Variants in DCK observed in about 807,000 individuals in gnomAD.
DCK encodes deoxyadenosine kinase.
DCK carries 23 observed loss-of-function variants against 38.3 expected under a neutral mutation model. The observed-to-expected ratio is 0.60, with a 90% CI of 0.43 to 0.85. The LOEUF (loss-of-function observed/expected upper bound fraction) is 0.85, where lower values mean the gene tolerates loss of function less well. DCK is among the 40% of genes least tolerant of loss of function. DCK has a pLI of 0.00. For synonymous variants in DCK, 108 were observed against 100.6 expected, an observed-to-expected ratio of 1.07 and a Z score of -0.44; for missense variants, 259 against 304.4, an observed-to-expected ratio of 0.85 and a Z score of 1.11.
intron 2 of DCK, among the ~76,000 whole-genome samples, chr4:71,021,178 C>T (rs1480826940): frequency 2.0e-5 from 3 of 151,164 alleles, no homozygotes; most frequent in Non-Finnish European, 4.4e-5. Context: ...CGGGTTCACG[C>T]CATTCTCCTG....
intron 6 of DCK, among the ~76,000 whole-genome samples, chr4:71,028,988 C>T (rs971269070): frequency 1.1e-4 from 17 of 152,064 alleles, no homozygotes; most frequent in Admixed American, 4.6e-4. Context: ...AACTCCTGAC[C>T]GCAGGTGATC....
Position 70,993,702 on chromosome 4 carries a change from G to A in DCK, c.-134G>A. The A allele has an allele frequency of 1.7e-6, 1 of 595,796 alleles. No homozygotes were observed. Among genetic ancestry groups the A allele is most frequent in the Non-Finnish European group, 2.9e-6 (1 of 342,030 alleles). 36.9% of individuals were successfully genotyped at this position (595,796 alleles called of 1,614,324 possible). A position where few individuals can be genotyped will look rare whatever the true frequency, so the allele number is the denominator to read the frequency against. ...AGTCAAACCCCGACACCCGCCGGCG[G>A]GCCGGTGAGCTCACTAGCTGACCCG... is the stretch of plus-strand genomic sequence containing the variant. On this transcript the variant is annotated 5_prime_UTR_variant, in exon 1 of 7. Transcript: ENST00000286648.
chr4:71,016,561 G>A (rs1351307165), intron 2 of DCK, among the ~76,000 whole-genome samples: 1 of 152,318 alleles, frequency 6.6e-6, no homozygotes, highest in Non-Finnish European at 1.5e-5. Context: ...AACCAAAACA[G>A]CATGGTACTG....
chr4:71,008,245 C>A (rs762928143), intron 2 of DCK, among the ~76,000 whole-genome samples: 10 of 152,170 alleles, frequency 6.6e-5, no homozygotes, highest in Admixed American at 1.3e-4. Context: ...TTCTCTCCCC[C>A]CAGTGTAATC....
At position 71,026,705 on chromosome 4, in the gene DCK, C is replaced by T; in HGVS notation, c.706C>T (p.Leu236=). ...TCTTCAAGAGGTGCCTATCTTAACA[C>T]TGGATGTTAATGAAGACTTTAAAGA... ...DYLQEVPILT[L]DVNEDFKDKY... The change falls in exon 6 of 7, where the codon CTG becomes TTG. Residue 236 remains leucine, a synonymous_variant. Coordinates refer to ENST00000286648, the MANE Select transcript of DCK (RefSeq NM_000788.3). 3.2e-6 allele frequency: 5 copies of T among 1,583,888 alleles called. 1 individual carries two copies. Among genetic ancestry groups the T allele is most frequent in the East Asian group, 2.3e-5 (1 of 44,406 alleles).
chr4:71,012,490 G>T (rs536484785), intron 2 of DCK, among the ~76,000 whole-genome samples: 148 of 152,334 alleles, frequency 9.7e-4, no homozygotes, highest in African/African-American at 3.2e-3. Flanking sequence ...CCTGACCCCC[G>T]AATAGCCTAA....
At chr4:71,018,142 T>TG (rs1672024537) in intron 2 of DCK, among the ~76,000 whole-genome samples, 1 of 150,286 alleles carries the variant, frequency 6.7e-6, no homozygotes, top group African/African-American at 2.4e-5. Flanking sequence ...TTTTTTTTTT[T>TG]TTGAGACGGA....
At chr4:71,017,169 A>T (rs1306364734) in intron 2 of DCK, among the ~76,000 whole-genome samples, 1 of 152,280 alleles carries the variant, frequency 6.6e-6, no homozygotes, top group Non-Finnish European at 1.5e-5. Context: ...GCCAACAGAC[A>T]CATGAAAAAA....
chr4:71,018,126 C>CTTTTTTT (rs35755135), intron 2 of DCK, among the ~76,000 whole-genome samples: 9 of 126,836 alleles, frequency 7.1e-5, no homozygotes, highest in Non-Finnish European at 7.9e-5. Flanking sequence ...TAGATTATTT[C>CTTTTTTT]TTTTTTTTTT....
At chr4:71,028,213 A>G (rs1477553722) in intron 6 of DCK, among the ~76,000 whole-genome samples, 1 of 152,232 alleles carries the variant, frequency 6.6e-6, no homozygotes, top group Non-Finnish European at 1.5e-5. Flanking sequence ...TAATGTTATC[A>G]GTGTTAAAGC....
intron 2 of DCK, among the ~76,000 whole-genome samples, chr4:71,007,707 T>G (rs1296060626): frequency 6.6e-6 from 1 of 152,208 alleles, no homozygotes; most frequent in Non-Finnish European, 1.5e-5. Flanking sequence ...AGTATTGAAT[T>G]TTGTTTTTTA....
At chr4:70,998,253 C>T (rs1739704156) in intron 2 of DCK, 71 bp downstream of exon 2, 2 of 670,052 alleles carry the variant, frequency 3.0e-6, no homozygotes, top group South Asian at 2.3e-5. Flanking sequence ...ATCTCTTTTT[C>T]TTTTTCTTTT....
Position 71,022,390 on chromosome 4 carries a change from T to G in DCK, c.231T>G (p.Asn77Lys). 1 of 1,529,146 alleles carries G rather than the reference T, an allele frequency of 6.5e-7. No homozygotes were observed. Among genetic ancestry groups the G allele is most frequent in the Non-Finnish European group, 8.8e-7 (1 of 1,140,314 alleles). The allele number at this position is 1,529,146 out of a possible 1,614,324, so 94.7% of individuals were successfully genotyped here. A position where few individuals can be genotyped will look rare whatever the true frequency, so the allele number is the denominator to read the frequency against. ...EFEELTMSQK[N>K]GGNVLQMMYE... ...AGGAACTTACAATGTCTCAGAAAAA[T>G]GGTGGGAATGTTCTTCAGATGATGT... Residue 77 changes from asparagine to lysine, a missense_variant, in exon 3 of 7, where the codon AAT becomes AAG. This residue lies in a region of DCK where 159 missense variants were observed against 159.0 expected (regional missense o/e 1.00). Transcript: ENST00000286648.
At chr4:71,001,706 A>C (rs1427163268) in intron 2 of DCK, among the ~76,000 whole-genome samples, 5 of 152,030 alleles carry the variant, frequency 3.3e-5, no homozygotes, top group Non-Finnish European at 7.4e-5. Context: ...TCCTGGTTTA[A>C]TCTTGGGAGG....
At chr4:70,994,647 C>A (rs1344454708) in intron 1 of DCK, among the ~76,000 whole-genome samples, 1 of 152,162 alleles carries the variant, frequency 6.6e-6, no homozygotes, top group Non-Finnish European at 1.5e-5. Flanking sequence ...GGGTTGTTTA[C>A]AGTTTTTTAG....
chr4:70,997,803 T>A (rs1739693316), intron 1 of DCK, among the ~76,000 whole-genome samples: 1 of 152,212 alleles, frequency 6.6e-6, no homozygotes, highest in Non-Finnish European at 1.5e-5. Flanking sequence ...ATTAGGAGTA[T>A]TACTTCTAGG....
At position 71,029,560 on chromosome 4, in the gene DCK, GT is replaced by G. The variant is rs113203300; in HGVS notation, c.*192del. 325 of 449,388 alleles carry G rather than the reference GT, an allele frequency of 7.2e-4. No individual in the cohort carries two copies. The highest frequency in any genetic ancestry group is 2.6e-3 in the East Asian group (65 of 25,156). The allele number at this position is 449,388 out of a possible 1,614,324, so 27.8% of individuals were successfully genotyped here. On this transcript the variant is annotated 3_prime_UTR_variant, in exon 7 of 7. Coordinates refer to ENST00000286648, the MANE Select transcript of DCK (RefSeq NM_000788.3). ...CTTTTTGACCAGTTTCTTTTCTTTT[GT>G]TTTTTTTTTAAAAAAGACATTTAAA...
intron 2 of DCK, among the ~76,000 whole-genome samples, chr4:71,016,453 CA>C (rs1220148133): frequency 6.6e-6 from 1 of 152,022 alleles, no homozygotes; most frequent in African/African-American, 2.4e-5. Context: ...CATAAGGAAC[CA>C]AAAAAGAGCC....
At chr4:71,005,326 T>A (rs1318985571) in intron 2 of DCK, among the ~76,000 whole-genome samples, 6 of 151,678 alleles carry the variant, frequency 4.0e-5, no homozygotes, top group Admixed American at 1.3e-4. Flanking sequence ...TGAGATGAAT[T>A]GGGTACTTCA....
Sources: allele counts gnomAD v4.1 joint callset (sites outside exome capture counted in the v4.1 genomes callset), GRCh38; gene constraint gnomAD v4.1.1; regional missense constraint gnomAD v4.1.1; transcripts MANE v1.5; gene names NCBI Gene and HGNC (gene_info 2026-07-23, HGNC 2026-07-21).